The following CFAP70 variants were observed in gnomAD, a reference collection of about 807,000 sequenced individuals.
CFAP70 encodes cilia- and flagella-associated protein 70.
A neutral mutation model predicts 137.6 loss-of-function variants in CFAP70; 81 were observed. The observed-to-expected ratio is 0.59, with a 90% CI of 0.49 to 0.71. CFAP70 has a LOEUF of 0.71. Among genes scored for constraint, CFAP70 ranks in the 30% least tolerant of loss-of-function variants. The pLI is 0.00. For missense variants in CFAP70, 976 were observed against 1,226.7 expected (o/e 0.80, Z 3.05); for synonymous variants, 382 against 423.6 (o/e 0.90, Z 1.20).
chr10:73,313,379 A>C (rs1369686061), intron 9 of CFAP70, among the ~76,000 whole-genome samples: 1 of 150,616 alleles, frequency 6.6e-6, no homozygotes, highest in African/African-American at 2.4e-5. Context: ...CTCAAAAAAA[A>C]AAAAAAAAAA....
intron 5 of CFAP70, 26 bp downstream of exon 6, chr10:73,345,037 CTA>C (rs1179715018): frequency 6.2e-7 from 1 of 1,605,462 alleles, no homozygotes; most frequent in Non-Finnish European, 8.5e-7. Flanking sequence ...GTTTGAATCT[CTA>C]TAAATATCTG....
At chr10:73,336,420 T>C (rs1026557722) in intron 6 of CFAP70, among the ~76,000 whole-genome samples, 7 of 152,166 alleles carry the variant, frequency 4.6e-5, no homozygotes, top group Admixed American at 4.6e-4. Flanking sequence ...CACAGTGTTT[T>C]TCCAATATTC....
upstream of CFAP70, among the ~76,000 whole-genome samples, chr10:73,362,083 T>C (rs191620962): frequency 4.6e-5 from 7 of 152,256 alleles, no homozygotes; most frequent in African/African-American, 7.2e-5. Context: ...AGTTCAGAAA[T>C]AAACTCTTAC....
intron 19 of CFAP70, among the ~76,000 whole-genome samples, chr10:73,278,854 A>G (rs4551679): frequency 0.11 from 15,954 of 151,502 alleles, 1,203 homozygotes; most frequent in East Asian, 0.3. Context: ...GGTGGCAGGC[A>G]CCTGTAGTCC....
intron 19 of CFAP70, among the ~76,000 whole-genome samples, chr10:73,285,557 A>T (rs1187729553): frequency 6.6e-6 from 1 of 152,068 alleles, no homozygotes; most frequent in African/African-American, 2.4e-5. Flanking sequence ...CAGAGAGCTA[A>T]CCAGATAGAC....
chr10:73,357,719 T>C (rs1022102618), intron 1 of CFAP70, among the ~76,000 whole-genome samples: 1 of 152,192 alleles, frequency 6.6e-6, no homozygotes, highest in African/African-American at 2.4e-5. Flanking sequence ...TTTTCAAAGA[T>C]TACCTGCATT....
chr10:73,360,730 T>C (rs1258446833), upstream of CFAP70, among the ~76,000 whole-genome samples: 1 of 152,200 alleles, frequency 6.6e-6, no homozygotes, highest in Admixed American at 6.5e-5. Context: ...TCTGGATTTT[T>C]TTTCCCAAGT....
chr10:73,284,996 C>A (rs1221670756), intron 19 of CFAP70, among the ~76,000 whole-genome samples: 1 of 151,336 alleles, frequency 6.6e-6, no homozygotes, highest in Non-Finnish European at 1.5e-5. Flanking sequence ...GCTTCCATTA[C>A]TGTAAATTGA....
chr10:73,254,107 T>C (rs1222410136), intron 26 of CFAP70, 52 bp from the exon 28 acceptor site: 1 of 1,460,408 alleles, frequency 6.8e-7, no homozygotes, highest in Admixed American at 1.8e-5. Flanking sequence ...TGATATACTT[T>C]ATGTGGCTTT....
At chr10:73,354,986 GC>G (rs1462291075) in intron 1 of CFAP70, among the ~76,000 whole-genome samples, 151 bp from the exon 2 acceptor site, 1 of 152,194 alleles carries the variant, frequency 6.6e-6, no homozygotes, top group Non-Finnish European at 1.5e-5. Flanking sequence ...TGTTGGACAG[GC>G]AGTGCTTTAG....
intron 4 of CFAP70, among the ~76,000 whole-genome samples, chr10:73,346,541 G>C (rs1589580604): frequency 6.6e-6 from 1 of 151,872 alleles, no homozygotes; most frequent in African/African-American, 2.4e-5. Context: ...TACTTGATAG[G>C]CTGAGGCAGG....
At position 73,348,278 on chromosome 10, in the gene CFAP70, A is replaced by G. The variant is rs138809063; in HGVS notation, c.349+145T>C. The G allele has an allele frequency of 9.4e-5, 151 of 1,603,130 alleles. 1 individual carries two copies. The East Asian group carries it at 2.1e-3, about 22-fold the overall frequency. On this transcript the variant is annotated intron_variant, in intron 4 of 26. Coordinates refer to ENST00000310715, the Ensembl canonical transcript of CFAP70. ...AGTTGAGCCAAAGAAGAAAGGGTTA[A>G]GTTGGGATGACTGCAGGCAGAGATA...
intron 20 of CFAP70, 49 bp from the exon 22 acceptor site, chr10:73,277,410 G>C: frequency 6.3e-7 from 1 of 1,596,450 alleles, no homozygotes; most frequent in Non-Finnish European, 8.6e-7. Context: ...AACAGAAAAA[G>C]TGTCAGAAAT....
At position 73,341,770 on chromosome 10, in the gene CFAP70, T is replaced by C. The variant is rs375009175; in HGVS notation, c.400-189A>G. Among the ~76,000 whole-genome samples, 20 of 152,378 alleles carry C rather than the reference T, an allele frequency of 1.3e-4. No individual in the cohort carries two copies. The East Asian group carries it at 3.5e-3, about 26-fold the overall frequency. ...TGCTATTTTACAACTCTGTAACTTA[T>C]AGACATTTGATAATAATGCAAATTA... On this transcript the variant is annotated intron_variant, in intron 5 of 26. Coordinates refer to ENST00000310715, the Ensembl canonical transcript of CFAP70.
rs1471623679 is a variant in CFAP70, at chr10:73,275,524, C to T, written c.2595G>A (p.Leu865=). The T allele has an allele frequency of 1.2e-6, 2 of 1,611,868 alleles. No individual in the cohort carries two copies. The highest frequency in any genetic ancestry group is 3.3e-5 in the Admixed American group (2 of 59,702). Residue 865 remains leucine (L), a synonymous_variant, in exon 22 of 27, where the codon CTG becomes CTA. Transcript: ENST00000310715. The surrounding 1 kb of genome is among the most constrained non-coding windows in gnomAD (Gnocchi z 4.0). Reference sequence around the variant, plus strand: ...TCTTCTTAAGAATGTGTGTTTGGGCCAGCACCAAGTAATATTCACAGCTGG... The same window carrying T: ...TCTTCTTAAGAATGTGTGTTTGGGCTAGCACCAAGTAATATTCACAGCTGG...
chr10:73,266,951 T>C (rs1185698394), intron 25 of CFAP70, among the ~76,000 whole-genome samples: 1 of 149,116 alleles, frequency 6.7e-6, no homozygotes, highest in East Asian at 2.1e-4. Flanking sequence ...TACTACTTTA[T>C]TTATTTAAAA....
At position 73,275,592 on chromosome 10, in the gene CFAP70, G is replaced by C; in HGVS notation, c.2527C>G (p.His843Asp). The change falls in exon 22 of 27, where the codon CAC (histidine) becomes GAC (aspartate). Residue 843 changes from histidine to aspartate, a missense_variant. Transcript: ENST00000310715. This position sits in a 1 kb window ranked among gnomAD's most constrained non-coding sequence, Gnocchi z 4.0. ...AACAGCTCATGTGCAAGCACTCTGT[G>C]CACATACTGCAAGGATAATCAGATT... is the stretch of plus-strand genomic sequence containing the variant. 1 of 1,579,512 alleles carries C rather than the reference G, an allele frequency of 6.3e-7. No individual in the cohort carries two copies. Among genetic ancestry groups the C allele is most frequent in the Non-Finnish European group, 8.6e-7 (1 of 1,166,232 alleles).
At chr10:73,312,602 G>A (rs767071629) in exon 10 of CFAP70, 7 of 1,605,952 alleles carry the variant, frequency 4.4e-6, no homozygotes, top group Non-Finnish European at 5.9e-6. Flanking sequence ...TATGAATCAA[G>A]TGATGGCCAA....
rs531161075 is a variant in CFAP70, at chr10:73,312,128, A to G, written c.1084-214T>C. Among the ~76,000 whole-genome samples the G allele has an allele frequency of 2.3e-4, 35 of 152,310 alleles. No individual in the cohort carries two copies. The South Asian group carries it at 6.6e-3, about 29-fold the overall frequency. On this transcript the variant is annotated intron_variant, in intron 10 of 26. Transcript: ENST00000310715. ...AACCAAATACCGCATGTTCTCACTC[A>G]TAAGTGGGAGTTGAACCATGAAAAC...
Sources: gnomAD v4.1 joint callset for allele counts (sites outside exome capture counted in the v4.1 genomes callset) on GRCh38, gnomAD v4.1.1 for gene constraint, Gnocchi (gnomAD v3.1) non-coding constraint, MANE v1.5 for transcripts, NCBI Gene and HGNC (gene_info 2026-07-23, HGNC 2026-07-21) for gene names.